GK: variants seen among roughly 807,000 people sequenced by gnomAD.
GK encodes the protein glycerol kinase.
Under a neutral mutation model 56.4 loss-of-function variants are expected in GK, and 9 were observed. That is an observed-to-expected ratio of 0.16 (90% CI 0.10 to 0.28). GK has a LOEUF of 0.28. GK is among the 10% of genes least tolerant of loss of function. The pLI is 1.00. For missense variants in GK, 161 were observed against 431.4 expected (o/e 0.37, Z 5.55); for synonymous variants, 104 against 144.1 (o/e 0.72, Z 1.99).
At chrX:30,668,570 G>A (rs1487116597) in intron 3 of GK, among the ~76,000 whole-genome samples, 1 of 111,777 alleles carries the variant, frequency 8.9e-6, no homozygotes, top group African/African-American at 3.3e-5. Flanking sequence ...ACATTTCCGG[G>A]TCAGAAAGAA....
intron 18 of GK, among the ~76,000 whole-genome samples, chrX:30,722,088 A>G (rs775068871): frequency 6.3e-5 from 7 of 111,804 alleles, no homozygotes; most frequent in Non-Finnish European, 1.3e-4. Flanking sequence ...AAAAGGAAAA[A>G]AAAAGCATCA....
At chrX:30,708,402 T>G (rs919973203) in intron 13 of GK, among the ~76,000 whole-genome samples, 44 of 90,198 alleles carry the variant, frequency 4.9e-4, no homozygotes, top group African/African-American at 1.6e-3. Flanking sequence ...AATGTAAGGT[T>G]TTTTTTTTTT....
chrX:30,719,298 C>G (rs1936779054), intron 14 of GK, 121 bp from the exon 15 acceptor site: 3 of 493,377 alleles, frequency 6.1e-6, no homozygotes, highest in Non-Finnish European at 1.1e-5. Flanking sequence ...ACATTTTGCT[C>G]TACCAATGAA....
rs372276145 is a variant in GK at position 30,698,671 on chromosome X, T to C, written c.747+922T>C. On this transcript the variant is annotated intron_variant, in intron 9 of 20. Transcript: ENST00000427190. Reference sequence around the variant, plus strand: ...GTGAGCCGAGATCGCGCCACTGCACTCCAGCCTGGGCGAGAGGGAGACTCC... The same window carrying C: ...GTGAGCCGAGATCGCGCCACTGCACCCCAGCCTGGGCGAGAGGGAGACTCC... Among the ~76,000 whole-genome samples the C allele has an allele frequency of 1.4e-4, 14 of 97,537 alleles. No individual in the cohort carries two copies. In the East Asian group the frequency reaches 3.6e-3, roughly 25 times the overall value. The allele number at this position is 97,537 out of a possible 115,157, so 84.7% of individuals were successfully genotyped here. A position where few individuals can be genotyped will look rare whatever the true frequency, so the allele number is the denominator to read the frequency against.
intron 13 of GK, among the ~76,000 whole-genome samples, chrX:30,715,201 T>G (rs917007088): frequency 1.8e-5 from 2 of 111,953 alleles, no homozygotes; most frequent in Non-Finnish European, 3.8e-5. Context: ...CATCCTGAAA[T>G]ATCCTGCTTT....
At chrX:30,658,979 G>C (rs1228001276) in intron 1 of GK, among the ~76,000 whole-genome samples, 2 of 112,425 alleles carry the variant, frequency 1.8e-5, no homozygotes, top group Non-Finnish European at 3.8e-5. Context: ...AGAAACTATA[G>C]CTCTATTTGA....
intron 11 of GK, among the ~76,000 whole-genome samples, chrX:30,702,385 C>T (rs990328942): frequency 1.4e-4 from 16 of 112,439 alleles, no homozygotes; most frequent in African/African-American, 4.8e-4. Flanking sequence ...GCCAATTATA[C>T]GTATTCATGA....
At chrX:30,725,071 C>T (rs1024133077) in intron 19 of GK, among the ~76,000 whole-genome samples, 4 of 109,876 alleles carry the variant, frequency 3.6e-5, no homozygotes, top group Admixed American at 2.9e-4. Context: ...TTAGGAGAGA[C>T]GGGGTTTCAC....
intron 8 of GK, among the ~76,000 whole-genome samples, chrX:30,697,474 A>G (rs1234654689): frequency 8.9e-6 from 1 of 112,223 alleles, no homozygotes; most frequent in Non-Finnish European, 1.9e-5. Context: ...AGAATTTTTA[A>G]CTGTTTTATT....
chrX:30,677,391 C>T lies in GK; in HGVS notation c.276C>T (p.Asn92=). ...ISNIKAIGVS[N]QRETTVVWDK... ...TCTTTAAAGCTATTGGTGTCAGCAA[C>T]CAGAGGGAAACCACTGTAGTCTGGG... The change falls in exon 4 of 21, where the codon AAC becomes AAT. Residue 92 remains asparagine (N), a synonymous_variant. Coordinates refer to ENST00000427190, the MANE Select transcript of GK (RefSeq NM_001205019.2). 8.7e-7 allele frequency: 1 copy of T among 1,155,964 alleles called. No individual in the cohort carries two copies. The highest frequency in any genetic ancestry group is 1.2e-6 in the Non-Finnish European group (1 of 844,724).
chrX:30,694,687 C>A (rs1309870267), intron 6 of GK, 150 bp downstream of exon 6: 1 of 485,563 alleles, frequency 2.1e-6, no homozygotes, highest in South Asian at 3.3e-5. Context: ...AAGTTTTCAG[C>A]TTCCATTCGA....
At chrX:30,669,229 C>A (rs1158673739) in intron 3 of GK, among the ~76,000 whole-genome samples, 1 of 103,052 alleles carries the variant, frequency 9.7e-6, no homozygotes, top group Non-Finnish European at 2.0e-5. Flanking sequence ...GTCCCCAAGG[C>A]TGGAGTGCAG....
intron 3 of GK, among the ~76,000 whole-genome samples, chrX:30,672,727 T>G (rs182787206): frequency 0.022 from 2,426 of 110,881 alleles, 53 homozygotes; most frequent in African/African-American, 0.07. Context: ...GGCAGGAGAA[T>G]CACTTGAACC....
chrX:30,664,391 G>T (rs1335257557), intron 1 of GK, among the ~76,000 whole-genome samples: 1 of 106,806 alleles, frequency 9.4e-6, no homozygotes, highest in Non-Finnish European at 1.9e-5. Context: ...GTAGAGACGG[G>T]GTTTCACCAT....
chrX:30,696,919 T>A lies in GK; in HGVS notation c.729+236T>A. ...TATTATTTTTAAAGAATTGATGGGA[T>A]ACTCTAACTTTAGATGTTGGCATGA... On this transcript the variant is annotated intron_variant, in intron 8 of 20. Transcript: ENST00000427190. 4 of 375,707 alleles carry A rather than the reference T, an allele frequency of 1.1e-5. No homozygotes were observed. The East Asian group carries it at 1.9e-4, about 17-fold the overall frequency. The allele number at this position is 375,707 out of a possible 1,213,427, so 31.0% of individuals were successfully genotyped here.
chrX:30,713,181 T>G (rs977335498), intron 13 of GK, among the ~76,000 whole-genome samples: 13 of 111,584 alleles, frequency 1.2e-4, no homozygotes, highest in African/African-American at 3.9e-4. Context: ...GAGCGCCACC[T>G]AGCTCCTGGC....
In GK at chrX:30,656,607, C is replaced by G. The variant is rs780794750; in HGVS notation, c.78+2992C>G. Among the ~76,000 whole-genome samples the G allele has an allele frequency of 1.7e-3, 186 of 111,306 alleles. 1 individual carries two copies. Among genetic ancestry groups the G allele is most frequent in the African/African-American group, 5.7e-3 (176 of 30,668 alleles). On this transcript the variant is annotated intron_variant, in intron 1 of 20. Coordinates refer to ENST00000427190, the MANE Select transcript of GK (RefSeq NM_001205019.2). ...AAACCGTTATTCAGAATTCCCCCCC[C>G]TTCCTACAGCACTTTTAAAAATACT...
chrX:30,702,910 G>A (rs1276607041), intron 11 of GK, among the ~76,000 whole-genome samples: 2 of 111,884 alleles, frequency 1.8e-5, no homozygotes, highest in Non-Finnish European at 3.8e-5. Context: ...GAGGAGGAGG[G>A]ATGTGGGAAT....
At chrX:30,679,336 G>A (rs773448734) in intron 4 of GK, among the ~76,000 whole-genome samples, 1 of 108,454 alleles carries the variant, frequency 9.2e-6, no homozygotes, top group African/African-American at 3.4e-5. Flanking sequence ...TCGTGCCTCG[G>A]CCTCCCAAGT....
Sources: allele counts gnomAD v4.1 joint callset (sites outside exome capture counted in the v4.1 genomes callset), GRCh38; gene constraint gnomAD v4.1.1; transcripts MANE v1.5; gene names NCBI Gene and HGNC (gene_info 2026-07-23, HGNC 2026-07-21).